The following EFR3A variants were observed in gnomAD, a reference collection of about 807,000 sequenced individuals.
EFR3A encodes the protein EFR3 homolog A.
A neutral mutation model predicts 104.4 loss-of-function variants in EFR3A; 76 were observed. The observed-to-expected ratio is 0.73, with a 90% CI of 0.60 to 0.88. The LOEUF is 0.88. Among genes scored for constraint, EFR3A ranks in the 40% least tolerant of loss-of-function variants. The probability of loss-of-function intolerance (pLI) is 0.00; values close to 1 mark genes in which losing one functional copy is unlikely to be tolerated. For missense variants in EFR3A, 985 were observed against 1,012.5 expected (o/e 0.97, Z 0.37); for synonymous variants, 330 against 330.0 (o/e 1.00, Z 0.00).
At chr8:131,971,636 C>T (rs1475751105) in intron 10 of EFR3A, among the ~76,000 whole-genome samples, 10 of 150,852 alleles carry the variant, frequency 6.6e-5, no homozygotes, top group South Asian at 2.1e-4. Flanking sequence ...TGCAGTGAGC[C>T]GAGATGGCGC....
chr8:131,973,126 C>T (rs535997966), intron 10 of EFR3A, among the ~76,000 whole-genome samples: 157 of 150,340 alleles, frequency 1.0e-3, no homozygotes, highest in African/African-American at 3.8e-3. Flanking sequence ...ATTCAACACA[C>T]TAACACAAAG....
At position 132,011,829 on chromosome 8, in the gene EFR3A, A is replaced by C. The variant is rs1225123694; in HGVS notation, c.*934A>C. On this transcript the variant is annotated 3_prime_UTR_variant, in exon 23 of 23. Transcript: ENST00000254624. ...CATTTGTATATTATTTTAAATCCTCATAGTCAAAAAATTCTCCAGATGGAC... is the reference window on the plus strand; with the variant it reads ...CATTTGTATATTATTTTAAATCCTCCTAGTCAAAAAATTCTCCAGATGGAC... 6.6e-6 allele frequency: 1 copy of C among 152,224 alleles called. No homozygotes were observed. Among genetic ancestry groups the C allele is most frequent in the African/African-American group, 2.4e-5 (1 of 41,454 alleles). 9.4% of individuals were successfully genotyped at this position (152,224 alleles called of 1,614,324 possible).
intron 4 of EFR3A, among the ~76,000 whole-genome samples, chr8:131,947,361 G>A (rs1818492121): frequency 6.6e-6 from 1 of 151,726 alleles, no homozygotes; most frequent in Non-Finnish European, 1.5e-5. Context: ...TTTTTCAATT[G>A]TCTTTTTATT....
rs376461585 is a variant in EFR3A, at chr8:131,944,911, A to G, written c.215+39A>G. On this transcript the variant is annotated intron_variant, in intron 3 of 22. Coordinates refer to ENST00000254624, the MANE Select transcript of EFR3A (RefSeq NM_015137.6). ...TGGCTGCTAAAATAGTATCTTTGGAAAATTCTTTCTAGACTTTTAAATCAT... is the reference window on the plus strand; with the variant it reads ...TGGCTGCTAAAATAGTATCTTTGGAGAATTCTTTCTAGACTTTTAAATCAT... 4.7e-5 allele frequency: 74 copies of G among 1,590,868 alleles called. No individual in the cohort carries two copies. The African/African-American group carries it at 9.5e-4, about 20-fold the overall frequency.
At chr8:131,956,631 T>G (rs1000299628) in intron 7 of EFR3A, among the ~76,000 whole-genome samples, 1 of 152,218 alleles carries the variant, frequency 6.6e-6, no homozygotes, top group African/African-American at 2.4e-5. Context: ...ATATGTATGA[T>G]ATTCTAAATG....
intron 10 of EFR3A, among the ~76,000 whole-genome samples, chr8:131,975,014 A>C (rs899780291): frequency 1.3e-5 from 2 of 152,222 alleles, no homozygotes; most frequent in Non-Finnish European, 2.9e-5. Flanking sequence ...CTTTCAAAGA[A>C]ATAAGAAACT....
In EFR3A at chr8:131,979,436, A is replaced by T; in HGVS notation, c.1575+15A>T. On this transcript the variant is annotated intron_variant, in intron 14 of 22. Coordinates refer to ENST00000254624, the MANE Select transcript of EFR3A (RefSeq NM_015137.6). ...TCATGAAAAAGGTAAGACATCTTCTAAAAAAATAAATGTGTAGTGTAAATT... is the reference window on the plus strand; with the variant it reads ...TCATGAAAAAGGTAAGACATCTTCTTAAAAAATAAATGTGTAGTGTAAATT... 1 of 1,501,808 alleles carries T rather than the reference A, an allele frequency of 6.7e-7. No homozygotes were observed. The highest frequency in any genetic ancestry group is 9.1e-7 in the Non-Finnish European group (1 of 1,101,106). The allele number at this position is 1,501,808 out of a possible 1,614,324, so 93.0% of individuals were successfully genotyped here.
At position 132,002,946 on chromosome 8, in the gene EFR3A, G is replaced by A. The variant is rs116971631; in HGVS notation, c.2310+240G>A. On this transcript the variant is annotated intron_variant, in intron 21 of 22. Coordinates refer to ENST00000254624, the MANE Select transcript of EFR3A (RefSeq NM_015137.6). Reference sequence around the variant, plus strand: ...AAATTAAGTATTAGTGATTGTTATTGTTTTGATAGTTTTTTGCAGTGGTTT... The same window carrying A: ...AAATTAAGTATTAGTGATTGTTATTATTTTGATAGTTTTTTGCAGTGGTTT... Among the ~76,000 whole-genome samples, 468 of 152,104 alleles carry A rather than the reference G, an allele frequency of 3.1e-3. 1 individual carries two copies. Among genetic ancestry groups the A allele is most frequent in the Non-Finnish European group, 4.7e-3 (318 of 67,950 alleles).
chr8:131,975,411 TA>T (rs368866649), intron 10 of EFR3A, among the ~76,000 whole-genome samples: 5 of 79,492 alleles, frequency 6.3e-5, no homozygotes, highest in Non-Finnish European at 8.1e-5. Context: ...TTTTTTTTCC[TA>T]TTTTTTTTTT....
At chr8:131,942,901 A>G (rs547557137) in intron 2 of EFR3A, among the ~76,000 whole-genome samples, 2 of 152,214 alleles carry the variant, frequency 1.3e-5, no homozygotes, top group Admixed American at 6.6e-5. Flanking sequence ...GTATGATTCT[A>G]TTTATGTCAG....
intron 14 of EFR3A, among the ~76,000 whole-genome samples, chr8:131,982,456 A>G (rs1820663609): frequency 6.6e-6 from 1 of 152,090 alleles, no homozygotes; most frequent in Admixed American, 6.6e-5. Flanking sequence ...ATGCTTGTAC[A>G]CATGTTGTGC....
chr8:131,984,214 CT>C lies in EFR3A; in HGVS notation c.1654del (p.Tyr552IlefsTer7). 6.2e-7 allele frequency: 1 copy of C among 1,611,870 alleles called. No individual in the cohort carries two copies. The highest frequency in any genetic ancestry group is 8.5e-7 in the Non-Finnish European group (1 of 1,178,872). ...EDNVQKNYEL[L>X]YTSLALITIE... ...CAACGTTCAGAAAAACTATGAACTA[CT>C]TTATACTTCTCTTGCTCTTATAACT... On this transcript the variant is annotated frameshift_variant, in exon 15 of 23. Coordinates refer to ENST00000254624, the MANE Select transcript of EFR3A (RefSeq NM_015137.6). LOFTEE classifies it high-confidence loss of function.
Position 132,002,654 on chromosome 8 carries a change from A to G in EFR3A, c.2258A>G (p.Glu753Gly). ...QEKEKRRLVIEKFQKAPFEEI... is the reference protein window; with the variant it reads ...QEKEKRRLVIGKFQKAPFEEI... ...AAGGAAAAGAGGCGTCTTGTGATAG[A>G]GAAATTTCAGAAAGCACCTTTTGAA... The change falls in exon 21 of 23, where the codon GAG becomes GGG. Residue 753 changes from glutamate to glycine, a missense_variant. By Grantham distance (98) the Glu-to-Gly change is moderately conservative. Coordinates refer to ENST00000254624, the MANE Select transcript of EFR3A (RefSeq NM_015137.6). 1.2e-6 allele frequency: 2 copies of G among 1,613,826 alleles called. No individual in the cohort carries two copies. The highest frequency in any genetic ancestry group is 1.7e-6 in the Non-Finnish European group (2 of 1,179,754).
At chr8:131,928,288 T>G (rs113708832) in intron 1 of EFR3A, among the ~76,000 whole-genome samples, 122 of 152,276 alleles carry the variant, frequency 8.0e-4, no homozygotes, top group Non-Finnish European at 1.3e-3. Flanking sequence ...AGAAGAAATC[T>G]CTGCTTTTCT....
chr8:132,009,842 A>T (rs1029238440), intron 22 of EFR3A, among the ~76,000 whole-genome samples: 17 of 152,050 alleles, frequency 1.1e-4, no homozygotes, highest in African/African-American at 3.1e-4. Context: ...GAAATAATTG[A>T]TTTTTTTTGG....
At chr8:131,939,402 C>T (rs1026807831) in intron 1 of EFR3A, among the ~76,000 whole-genome samples, 1 of 152,024 alleles carries the variant, frequency 6.6e-6, no homozygotes, top group Non-Finnish European at 1.5e-5. Context: ...CCTAAGCTTC[C>T]CAAAAGTGGG....
At chr8:131,926,065 G>A (rs939097120) in intron 1 of EFR3A, among the ~76,000 whole-genome samples, 1 of 151,830 alleles carries the variant, frequency 6.6e-6, no homozygotes, top group Admixed American at 6.6e-5. Context: ...CTATTATAGG[G>A]TTATAGTTGA....
intron 1 of EFR3A, among the ~76,000 whole-genome samples, chr8:131,931,204 G>A (rs1322419236): frequency 6.6e-6 from 1 of 152,046 alleles, no homozygotes; most frequent in Non-Finnish European, 1.5e-5. Context: ...TCTTCAGAGG[G>A]CTCATAGGCC....
At chr8:131,989,267 C>A (rs573110342) in intron 18 of EFR3A, among the ~76,000 whole-genome samples, 12 of 152,192 alleles carry the variant, frequency 7.9e-5, no homozygotes, top group African/African-American at 2.6e-4. Flanking sequence ...TGCTGTGTAA[C>A]CATCAGATAT....
Sources: gnomAD v4.1 joint callset for allele counts (sites outside exome capture counted in the v4.1 genomes callset) on GRCh38, gnomAD v4.1.1 for gene constraint, MANE v1.5 for transcripts, NCBI Gene and HGNC (gene_info 2026-07-23, HGNC 2026-07-21) for gene names.